The following CAMK1D variants were observed in gnomAD, a reference collection of about 807,000 sequenced individuals.
CAMK1D encodes the protein calcium/calmodulin-dependent protein kinase type 1D.
In CAMK1D, 9 loss-of-function variants were observed where a neutral mutation model predicts 47.7. The observed-to-expected ratio is 0.19, with a 90% CI of 0.11 to 0.33. CAMK1D has a LOEUF of 0.33. CAMK1D is among the 10% of genes least tolerant of loss of function. CAMK1D has a pLI of 1.00. For synonymous variants in CAMK1D, 184 were observed against 184.9 expected (o/e 0.99, Z 0.04); for missense variants, 291 against 488.7 (o/e 0.60, Z 3.81).
intron 1 of CAMK1D, among the ~76,000 whole-genome samples, chr10:12,357,272 A>G (rs1837546844): frequency 1.3e-5 from 2 of 151,388 alleles, no homozygotes; most frequent in South Asian, 4.2e-4. Context: ...CCCGAGTTCA[A>G]GCGATTCTCC....
At chr10:12,536,633 A>G (rs1835980214) in intron 1 of CAMK1D, among the ~76,000 whole-genome samples, 1 of 152,110 alleles carries the variant, frequency 6.6e-6, no homozygotes, top group Non-Finnish European at 1.5e-5. Flanking sequence ...CCTTTACTCG[A>G]AGAGGGGGGT....
chr10:12,589,571 C>G (rs1035872926), intron 2 of CAMK1D, among the ~76,000 whole-genome samples: 1 of 152,210 alleles, frequency 6.6e-6, no homozygotes, highest in African/African-American at 2.4e-5. Context: ...AGCAGGCTCC[C>G]CAGCCCGGAA....
At chr10:12,584,951 T>C (rs998420642) in intron 2 of CAMK1D, among the ~76,000 whole-genome samples, 1 of 152,214 alleles carries the variant, frequency 6.6e-6, no homozygotes, top group African/African-American at 2.4e-5. Context: ...TTCCTGCATT[T>C]AAAAAAGCTA....
At chr10:12,772,059 G>C (rs1837066437) in intron 5 of CAMK1D, among the ~76,000 whole-genome samples, 1 of 151,906 alleles carries the variant, frequency 6.6e-6, no homozygotes. Context: ...AGCCAGTATA[G>C]GCTTTGATAG....
intron 2 of CAMK1D, among the ~76,000 whole-genome samples, chr10:12,581,158 G>A (rs1022594468): frequency 9.2e-5 from 14 of 152,072 alleles, no homozygotes; most frequent in Admixed American, 9.2e-4. Context: ...CCATTCCTGA[G>A]TTACTTCACT....
At chr10:12,350,022 G>A (rs1356342472) in intron 1 of CAMK1D, 112 bp downstream of exon 1, 14 of 409,902 alleles carry the variant, frequency 3.4e-5, no homozygotes, top group Non-Finnish European at 5.5e-5. Flanking sequence ...CTGTCACCGC[G>A]TCCTCATTGT....
intron 10 of CAMK1D, 160 bp downstream of exon 10, chr10:12,825,850 C>A: frequency 8.0e-7 from 1 of 1,245,672 alleles, no homozygotes; most frequent in East Asian, 2.4e-5. Context: ...AACATGTAAT[C>A]ACTGGGCTGG....
chr10:12,541,605 C>T (rs1470459165), intron 1 of CAMK1D, among the ~76,000 whole-genome samples: 3 of 152,160 alleles, frequency 2.0e-5, no homozygotes, highest in Non-Finnish European at 2.9e-5. Context: ...GTGATTCACC[C>T]GCCTTGGCCC....
chr10:12,791,355 G>GT (rs1837971128), intron 6 of CAMK1D, 122 bp downstream of exon 6: 11 of 776,196 alleles, frequency 1.4e-5, no homozygotes, highest in Non-Finnish European at 2.4e-5. Flanking sequence ...TCAGGGCCAT[G>GT]TTTAAGGGTA....
intron 1 of CAMK1D, among the ~76,000 whole-genome samples, chr10:12,369,887 C>T (rs144579050): frequency 0.016 from 2,426 of 149,658 alleles, 60 homozygotes; most frequent in African/African-American, 0.049. Context: ...ACCTGGGAGG[C>T]GAAGGTTGCA....
At position 12,515,965 on chromosome 10, in the gene CAMK1D, T is replaced by A. The variant is rs147013445; in HGVS notation, c.93-37260T>A. 1.4e-3 allele frequency among the ~76,000 whole-genome samples: 212 copies of A among 152,204 alleles called. 2 individuals are homozygous for A. The East Asian group carries it at 0.031, about 22-fold the overall frequency. On this transcript the variant is annotated intron_variant, in intron 1 of 10. Transcript: ENST00000619168. ...CTTAACAGTATACAGCTTCTTTCTCTTAGCATAATTTCTTTGGAGATTCAT... is the reference window on the plus strand; with the variant it reads ...CTTAACAGTATACAGCTTCTTTCTCATAGCATAATTTCTTTGGAGATTCAT...
At chr10:12,667,381 C>T (rs540489645) in intron 3 of CAMK1D, among the ~76,000 whole-genome samples, 147 of 152,264 alleles carry the variant, frequency 9.7e-4, no homozygotes, top group Non-Finnish European at 1.8e-3. Context: ...TTTTGCATTC[C>T]ATTAACACTG....
At chr10:12,586,849 G>A (rs1837833432) in intron 2 of CAMK1D, among the ~76,000 whole-genome samples, 1 of 152,178 alleles carries the variant, frequency 6.6e-6, no homozygotes. Context: ...AGTCCCTCAT[G>A]TTCCCATACT....
intron 3 of CAMK1D, among the ~76,000 whole-genome samples, chr10:12,719,408 AG>A (rs202126458): frequency 0.08 from 10,942 of 137,316 alleles, 780 homozygotes; most frequent in African/African-American, 0.2. Context: ...ACTGTGCCTC[AG>A]GAAAAAAAAA....
intron 1 of CAMK1D, among the ~76,000 whole-genome samples, chr10:12,439,225 T>G (rs1198010293): frequency 6.6e-6 from 1 of 152,216 alleles, no homozygotes; most frequent in Non-Finnish European, 1.5e-5. Context: ...AAGTCATTCT[T>G]GACAGGTGCT....
intron 1 of CAMK1D, among the ~76,000 whole-genome samples, chr10:12,499,092 G>A (rs879246748): frequency 1.5e-5 from 2 of 131,200 alleles, no homozygotes; most frequent in Non-Finnish European, 3.1e-5. Flanking sequence ...TTTTTGCATC[G>A]ATATTGAACT....
At chr10:12,588,159 G>C (rs1837876910) in intron 2 of CAMK1D, among the ~76,000 whole-genome samples, 1 of 152,168 alleles carries the variant, frequency 6.6e-6, no homozygotes, top group African/African-American at 2.4e-5. Context: ...GACCCCAGCT[G>C]CTCTTTGTCC....
intron 2 of CAMK1D, among the ~76,000 whole-genome samples, chr10:12,649,573 G>A (rs1281786064): frequency 1.3e-5 from 2 of 152,190 alleles, no homozygotes; most frequent in Non-Finnish European, 2.9e-5. Context: ...TAATTCTGGA[G>A]ATATAGGAAT....
intron 1 of CAMK1D, among the ~76,000 whole-genome samples, chr10:12,420,902 G>C (rs1482762288): frequency 6.6e-6 from 1 of 152,176 alleles, no homozygotes; most frequent in Non-Finnish European, 1.5e-5. Context: ...GCTGCTGCAG[G>C]TGGAGCTCCT....
Sources: allele counts gnomAD v4.1 joint callset (sites outside exome capture counted in the v4.1 genomes callset), GRCh38; gene constraint gnomAD v4.1.1; transcripts MANE v1.5; gene names NCBI Gene and HGNC (gene_info 2026-07-23, HGNC 2026-07-21).